EPN2: variants seen among roughly 807,000 people sequenced by gnomAD.
EPN2 encodes the protein epsin 2.
A neutral mutation model predicts 61.7 loss-of-function variants in EPN2; 34 were observed. The observed-to-expected ratio is 0.55, with a 90% CI of 0.42 to 0.73. The LOEUF is 0.73. Among genes scored for constraint, EPN2 ranks in the 30% least tolerant of loss-of-function variants. The probability of loss-of-function intolerance (pLI) is 0.00; values close to 1 mark genes in which losing one functional copy is unlikely to be tolerated. For missense variants in EPN2, 714 were observed against 839.2 expected, an observed-to-expected ratio of 0.85 and a Z score of 1.84; for synonymous variants, 349 against 353.6, an observed-to-expected ratio of 0.99 and a Z score of 0.15.
At chr17:19,278,644 A>T (rs1484707339) in intron 1 of EPN2, among the ~76,000 whole-genome samples, 1 of 152,018 alleles carries the variant, frequency 6.6e-6, no homozygotes, top group Non-Finnish European at 1.5e-5. Context: ...TGTCATGAAG[A>T]TTTCTTTTGG....
At chr17:19,289,724 G>GTTTTTTTTTTTTGTTTT (rs2045442618) in intron 4 of EPN2, among the ~76,000 whole-genome samples, 2 of 78,026 alleles carry the variant, frequency 2.6e-5, no homozygotes, top group Non-Finnish European at 4.6e-5. Flanking sequence ...GGCGCTCATG[G>GTTTTTTTTTTTTGTTTT]TTTTTTTTTT....
chr17:19,297,684 G>A (rs1009989828), intron 4 of EPN2, among the ~76,000 whole-genome samples: 2 of 152,282 alleles, frequency 1.3e-5, no homozygotes, highest in East Asian at 3.9e-4. Flanking sequence ...CAGTTTGCGA[G>A]GGAGCATGAG....
intron 4 of EPN2, 114 bp from the exon 5 acceptor site, chr17:19,309,771 G>C (rs1906025457): frequency 1.3e-6 from 1 of 766,750 alleles, no homozygotes; most frequent in Non-Finnish European, 2.3e-6. Flanking sequence ...TTGGGCTACT[G>C]CTGGACCTTG....
Position 19,335,385 on chromosome 17 carries a change from A to T in EPN2, c.*1131A>T. 6.5e-7 allele frequency: 1 copy of T among 1,547,616 alleles called. No homozygotes were observed. Among genetic ancestry groups the T allele is most frequent in the Non-Finnish European group, 8.7e-7 (1 of 1,145,492 alleles). On this transcript the variant is annotated 3_prime_UTR_variant, in exon 11 of 11. Coordinates refer to ENST00000314728, the MANE Select transcript of EPN2 (RefSeq NM_014964.5). ...GTGACTCACCAATTTTTATCAACTA[A>T]TTCCTTTTTTTTATTAAAGGCATGC...
intron 7 of EPN2, among the ~76,000 whole-genome samples, chr17:19,323,901 A>G (rs1008577931): frequency 2.0e-5 from 3 of 152,272 alleles, no homozygotes; most frequent in South Asian, 2.1e-4. Flanking sequence ...AGAAATGTTA[A>G]GAGAAGTTCT....
intron 1 of EPN2, chr17:19,274,118 TGC>T (rs1413450145): frequency 6.6e-6 from 1 of 152,334 alleles, no homozygotes; most frequent in South Asian, 2.1e-4. Context: ...AATTGAGGAT[TGC>T]GGAGTATTGC....
At chr17:19,270,228 CTCT>C (rs2045239835) in intron 1 of EPN2, among the ~76,000 whole-genome samples, 1 of 152,220 alleles carries the variant, frequency 6.6e-6, no homozygotes, top group Non-Finnish European at 1.5e-5. Flanking sequence ...ATTCACTAGC[CTCT>C]TCTTAGAGAG....
At chr17:19,313,300 C>T (rs1046342109) in intron 7 of EPN2, 21 bp downstream of exon 7, 1 of 1,503,494 alleles carries the variant, frequency 6.7e-7, no homozygotes, top group Non-Finnish European at 8.9e-7. Context: ...CATTACTGGT[C>T]TCCCGTGCTT....
intron 1 of EPN2, among the ~76,000 whole-genome samples, chr17:19,246,367 T>G (rs1337242810): frequency 1.3e-5 from 2 of 152,040 alleles, no homozygotes; most frequent in East Asian, 1.9e-4. Flanking sequence ...ATAATAAGAA[T>G]AATAATAATT....
chr17:19,300,645 C>G (rs1469204152), intron 4 of EPN2, among the ~76,000 whole-genome samples: 1 of 152,118 alleles, frequency 6.6e-6, no homozygotes, highest in Non-Finnish European at 1.5e-5. Flanking sequence ...TCAGGCTGGT[C>G]TCGAACTCCT....
In EPN2 at chr17:19,335,998, C is replaced by T. The variant is rs1337737167; in HGVS notation, c.*1744C>T. ...AGGGCAGCTGACCACCTGCCAGCCC[C>T]TCTCTGGTTCCAGAAGATTACCCTT... On this transcript the variant is annotated 3_prime_UTR_variant, in exon 11 of 11. Transcript: ENST00000314728. 6.6e-6 allele frequency: 1 copy of T among 152,608 alleles called. No individual in the cohort carries two copies. The highest frequency in any genetic ancestry group is 1.5e-5 in the Non-Finnish European group (1 of 68,328). The allele number at this position is 152,608 out of a possible 1,614,324, so 9.5% of individuals were successfully genotyped here.
rs191994495 is a variant in EPN2 at position 19,276,657 on chromosome 17, T to C, written c.-293-5298T>C. ...AAGTTCATGTACTTTATTTATCAAT[T>C]AGCATCAAATAGTTCTAGGTAATAA... On this transcript the variant is annotated intron_variant, in intron 1 of 10. Transcript: ENST00000314728. 37 of 152,296 alleles carry C rather than the reference T, an allele frequency of 2.4e-4. No homozygotes were observed. The East Asian group carries it at 7.1e-3, about 29-fold the overall frequency. 9.4% of individuals were successfully genotyped at this position (152,296 alleles called of 1,614,324 possible). A position where few individuals can be genotyped will look rare whatever the true frequency, so the allele number is the denominator to read the frequency against.
intron 2 of EPN2, 126 bp from the exon 3 acceptor site, chr17:19,282,824 C>T (rs775335907): frequency 3.5e-5 from 10 of 287,570 alleles, no homozygotes; most frequent in Admixed American, 1.4e-4. Context: ...ATCTTGGGTT[C>T]GTCCTAAGGA....
At chr17:19,303,242 A>G (rs1168908757) in intron 4 of EPN2, among the ~76,000 whole-genome samples, 1 of 152,208 alleles carries the variant, frequency 6.6e-6, no homozygotes, top group Non-Finnish European at 1.5e-5. Context: ...ACTGTCACAC[A>G]CACAGTCACA....
At chr17:19,274,378 A>G (rs1024134879) in intron 1 of EPN2, 1 of 152,226 alleles carries the variant, frequency 6.6e-6, no homozygotes, top group African/African-American at 2.4e-5. Flanking sequence ...AATAAAGTAC[A>G]TGTAGAAACA....
In EPN2 at chr17:19,335,582, C is replaced by G; in HGVS notation, c.*1328C>G. ...GGGGTGGGGGGTGCTTCTGTGCCCA[C>G]GGGTCCCTGGGCAACAGTCCCTAGG... On this transcript the variant is annotated 3_prime_UTR_variant, in exon 11 of 11. Transcript: ENST00000314728. 9.5e-7 allele frequency: 1 copy of G among 1,047,504 alleles called. No homozygotes were observed. Among genetic ancestry groups the G allele is most frequent in the South Asian group, 1.9e-5 (1 of 51,502 alleles). 64.9% of individuals were successfully genotyped at this position (1,047,504 alleles called of 1,614,324 possible).
Position 19,283,164 on chromosome 17 carries a change from C to T in EPN2, c.45C>T (p.Asn15=). ...GACGGCAGATGAAAAACATCGTGAA[C>T]AATTACTCAGAGGCAGAAATCAAAG... ...SIRRQMKNIV[N]NYSEAEIKVR... The change falls in exon 3 of 11, where the codon AAC becomes AAT. Residue 15 remains asparagine, a synonymous_variant. Coordinates refer to ENST00000314728, the MANE Select transcript of EPN2 (RefSeq NM_014964.5). The surrounding 1 kb of genome is among the most constrained non-coding windows in gnomAD (Gnocchi z 7.0). 1 of 1,613,712 alleles carries T rather than the reference C, an allele frequency of 6.2e-7. No homozygotes were observed. The highest frequency in any genetic ancestry group is 2.2e-5 in the East Asian group (1 of 44,880).
chr17:19,302,343 C>T (rs1905572338), intron 4 of EPN2, among the ~76,000 whole-genome samples: 1 of 152,242 alleles, frequency 6.6e-6, no homozygotes, highest in African/African-American at 2.4e-5. Context: ...ATCACCTAGG[C>T]CAGGGGTCCC....
At chr17:19,305,107 A>G (rs1309193077) in intron 4 of EPN2, among the ~76,000 whole-genome samples, 1 of 151,756 alleles carries the variant, frequency 6.6e-6, no homozygotes, top group Non-Finnish European at 1.5e-5. Flanking sequence ...AAATGTAAAA[A>G]TATACTTTGG....
Sources: allele counts gnomAD v4.1 joint callset (sites outside exome capture counted in the v4.1 genomes callset), GRCh38; gene constraint gnomAD v4.1.1; non-coding constraint Gnocchi (gnomAD v3.1); transcripts MANE v1.5; gene names NCBI Gene and HGNC (gene_info 2026-07-23, HGNC 2026-07-21).